TRPC7: variants seen among roughly 807,000 people sequenced by gnomAD.
TRPC7 encodes transient receptor potential cation channel subfamily C member 7, also known as short transient receptor potential channel 7.
TRPC7 carries 42 observed loss-of-function variants against 90.1 expected under a neutral mutation model. The observed-to-expected ratio is 0.47, with a 90% CI of 0.36 to 0.60. The LOEUF (loss-of-function observed/expected upper bound fraction) is 0.60. Ranked by LOEUF, TRPC7 falls within the 20% of genes least tolerant of loss-of-function variation. The pLI, the probability that TRPC7 is intolerant of heterozygous loss-of-function variation, is 0.00. For synonymous variants in TRPC7, 451 were observed against 436.3 expected, an observed-to-expected ratio of 1.03 and a Z score of -0.42; for missense variants, 955 against 1,112.3, an observed-to-expected ratio of 0.86 and a Z score of 2.01.
At chr5:136,323,153 T>A (rs531595904) in intron 2 of TRPC7, among the ~76,000 whole-genome samples, 12 of 152,254 alleles carry the variant, frequency 7.9e-5, no homozygotes, top group Non-Finnish European at 1.8e-4. Context: ...GATGATTTTG[T>A]AAGGGAAAAC....
chr5:136,335,537 G>A (rs994854060), intron 2 of TRPC7, among the ~76,000 whole-genome samples: 1 of 151,916 alleles, frequency 6.6e-6, no homozygotes, highest in Admixed American at 6.6e-5. Flanking sequence ...GTAGACTTTT[G>A]CAGTGGTTGG....
chr5:136,235,736 T>C (rs566800808), intron 7 of TRPC7, among the ~76,000 whole-genome samples: 1 of 152,334 alleles, frequency 6.6e-6, no homozygotes, highest in Non-Finnish European at 1.5e-5. Flanking sequence ...CCCACTTAGC[T>C]GGTCTTAAGA....
Position 136,231,295 on chromosome 5 carries a change from G to T in TRPC7, c.2040+59C>A, listed in dbSNP as rs943444710. On this transcript the variant is annotated intron_variant, in intron 8 of 11. Transcript: ENST00000513104. ...TTCTAACATCATTCCCCTCATTGCT[G>T]AAAAAAGCAATGTAAATTAGATGAA... is the stretch of plus-strand genomic sequence containing the variant. 3.0e-5 allele frequency: 43 copies of T among 1,442,858 alleles called. No homozygotes were observed. The Admixed American group carries it at 9.2e-4, about 31-fold the overall frequency. 89.4% of individuals were successfully genotyped at this position (1,442,858 alleles called of 1,614,324 possible).
Position 136,213,163 on chromosome 5 carries a change from C to T in TRPC7, c.*272G>A, listed in dbSNP as rs1191888530. Among the ~76,000 whole-genome samples the T allele has an allele frequency of 2.0e-5, 3 of 152,214 alleles. No individual in the cohort carries two copies. Among genetic ancestry groups the T allele is most frequent in the African/African-American group, 7.2e-5 (3 of 41,448 alleles). On this transcript the variant is annotated 3_prime_UTR_variant, in exon 12 of 12. Coordinates refer to ENST00000513104, the MANE Select transcript of TRPC7 (RefSeq NM_020389.3). ...GCCACAGGGATGGGTTTCACTGTGG[C>T]TGGACCAAAGGTCTCACACTCGTCA...
chr5:136,310,619 G>A (rs967394310), intron 3 of TRPC7, among the ~76,000 whole-genome samples: 1 of 152,146 alleles, frequency 6.6e-6, no homozygotes, highest in Non-Finnish European at 1.5e-5. Context: ...CTGGCACCAA[G>A]AGCAGAGGCC....
intron 10 of TRPC7, among the ~76,000 whole-genome samples, chr5:136,223,117 A>T (rs1466722359): frequency 1.3e-5 from 2 of 152,196 alleles, no homozygotes; most frequent in Non-Finnish European, 2.9e-5. Context: ...TGTGACAACT[A>T]TTTGAATAAG....
At chr5:136,289,869 T>C (rs1382887012) in intron 3 of TRPC7, among the ~76,000 whole-genome samples, 1 of 152,036 alleles carries the variant, frequency 6.6e-6, no homozygotes, top group Admixed American at 6.6e-5. Flanking sequence ...AACCCCCGAG[T>C]AGCCTAACTG....
intron 2 of TRPC7, among the ~76,000 whole-genome samples, chr5:136,324,849 C>G (rs1011815837): frequency 7.9e-5 from 12 of 152,176 alleles, no homozygotes; most frequent in African/African-American, 2.9e-4. Context: ...CCATACAATA[C>G]AGGATAATTA....
At chr5:136,353,591 C>G (rs1046161591) in intron 2 of TRPC7, among the ~76,000 whole-genome samples, 2 of 152,158 alleles carry the variant, frequency 1.3e-5, no homozygotes, top group Non-Finnish European at 2.9e-5. Flanking sequence ...CTAAGCTGCT[C>G]TCCTCTGAGA....
At chr5:136,306,569 G>C (rs188926068) in intron 3 of TRPC7, among the ~76,000 whole-genome samples, 12 of 152,146 alleles carry the variant, frequency 7.9e-5, no homozygotes, top group African/African-American at 2.4e-4. Context: ...GGAATGTCAG[G>C]CCTCTGAACC....
intron 3 of TRPC7, among the ~76,000 whole-genome samples, chr5:136,287,204 G>A (rs1379881234): frequency 6.6e-6 from 1 of 152,102 alleles, no homozygotes; most frequent in African/African-American, 2.4e-5. Context: ...AATGAGTGAC[G>A]TTTTCCCTTC....
At chr5:136,361,196 AT>A (rs1321381741) in intron 1 of TRPC7, among the ~76,000 whole-genome samples, 1 of 152,176 alleles carries the variant, frequency 6.6e-6, no homozygotes, top group Non-Finnish European at 1.5e-5. Context: ...GATTGCCCTT[AT>A]TTTAGTATTT....
intron 3 of TRPC7, among the ~76,000 whole-genome samples, chr5:136,305,714 C>G (rs1165805249): frequency 6.6e-6 from 1 of 152,164 alleles, no homozygotes; most frequent in Non-Finnish European, 1.5e-5. Context: ...AGTCTGATAA[C>G]AGACCAGCCT....
intron 3 of TRPC7, among the ~76,000 whole-genome samples, chr5:136,305,841 A>G (rs543422547): frequency 1.3e-5 from 2 of 152,274 alleles, no homozygotes; most frequent in African/African-American, 4.8e-5. Flanking sequence ...TCTTTTAAAA[A>G]CACACCTCAC....
intron 7 of TRPC7, among the ~76,000 whole-genome samples, chr5:136,241,421 G>C (rs1561683926): frequency 6.6e-6 from 1 of 152,248 alleles, no homozygotes; most frequent in Non-Finnish European, 1.5e-5. Flanking sequence ...GGAGACAGGG[G>C]CCCACCATGG....
chr5:136,229,674 C>T (rs923903486), intron 8 of TRPC7, among the ~76,000 whole-genome samples: 2 of 152,194 alleles, frequency 1.3e-5, no homozygotes, highest in Admixed American at 6.5e-5. Flanking sequence ...GCCTCTAGAA[C>T]TGTGAGGGAA....
At chr5:136,292,821 G>A (rs1414538643) in intron 3 of TRPC7, among the ~76,000 whole-genome samples, 1 of 151,636 alleles carries the variant, frequency 6.6e-6, no homozygotes, top group Non-Finnish European at 1.5e-5. Context: ...TGATACCAAA[G>A]CATGGCAGAG....
At chr5:136,300,058 A>G (rs748696120) in intron 3 of TRPC7, among the ~76,000 whole-genome samples, 1 of 152,224 alleles carries the variant, frequency 6.6e-6, no homozygotes, top group Non-Finnish European at 1.5e-5. Context: ...AAAATGCTTT[A>G]AAGGATTATC....
At chr5:136,309,634 A>G (rs1160684824) in intron 3 of TRPC7, among the ~76,000 whole-genome samples, 2 of 152,200 alleles carry the variant, frequency 1.3e-5, no homozygotes, top group Non-Finnish European at 2.9e-5. Context: ...TCCAGGTGAA[A>G]GCACACAATT....
Sources: allele counts gnomAD v4.1 joint callset (sites outside exome capture counted in the v4.1 genomes callset), GRCh38; gene constraint gnomAD v4.1.1; transcripts MANE v1.5; gene names NCBI Gene and HGNC (gene_info 2026-07-23, HGNC 2026-07-21).